OPCML: variants seen among roughly 807,000 people sequenced by gnomAD.
The protein encoded by OPCML is opioid-binding protein/cell adhesion molecule.
In OPCML, 13 loss-of-function variants were observed where a neutral mutation model predicts 37.8. The observed-to-expected ratio is 0.34, with a 90% CI of 0.22 to 0.55. OPCML has a LOEUF of 0.55. Among genes scored for constraint, OPCML ranks in the 20% least tolerant of loss-of-function variants. The pLI is 0.91. For synonymous variants in OPCML, 176 were observed against 168.8 expected (o/e 1.04, Z -0.33); for missense variants, 341 against 435.6 (o/e 0.78, Z 1.93).
chr11:132,804,295 T>C lies in OPCML; in HGVS notation c.146+138631A>G, dbSNP rs377557734. Among the ~76,000 whole-genome samples, 35 of 152,266 alleles carry C rather than the reference T, an allele frequency of 2.3e-4. No homozygotes were observed. In the South Asian group the frequency reaches 7.1e-3, roughly 31 times the overall value. On this transcript the variant is annotated intron_variant, in intron 2 of 7. Coordinates refer to ENST00000524381, the MANE Select transcript of OPCML (RefSeq NM_001012393.5). Reference sequence around the variant, plus strand: ...TCGGAGTTAAAGCAGAGTACTATGTTTCTGCGGAGCCCAAGTGGAAAAATC... The same window carrying C: ...TCGGAGTTAAAGCAGAGTACTATGTCTCTGCGGAGCCCAAGTGGAAAAATC...
chr11:133,243,905 T>C (rs1328549290), intron 1 of OPCML, among the ~76,000 whole-genome samples: 1 of 152,222 alleles, frequency 6.6e-6, no homozygotes, highest in Non-Finnish European at 1.5e-5. Flanking sequence ...GTTATTGCCC[T>C]GGAGGTGGGC....
intron 1 of OPCML, among the ~76,000 whole-genome samples, chr11:133,444,761 CTTTTTCT>C (rs998483502): frequency 1.3e-5 from 2 of 151,554 alleles, no homozygotes; most frequent in African/African-American, 2.4e-5. Flanking sequence ...TGTCATTTTC[CTTTTTCT>C]TTTTTCTAAC....
intron 1 of OPCML, among the ~76,000 whole-genome samples, chr11:133,485,971 T>C (rs932105318): frequency 6.6e-6 from 1 of 152,176 alleles, no homozygotes; most frequent in Non-Finnish European, 1.5e-5. Flanking sequence ...TAAATTGCTG[T>C]ATAGTATTCA....
At chr11:132,760,666 C>T (rs1262325019) in intron 2 of OPCML, among the ~76,000 whole-genome samples, 1 of 151,272 alleles carries the variant, frequency 6.6e-6, no homozygotes, top group East Asian at 1.9e-4. Context: ...GATATTCCTC[C>T]ATCCCTATAT....
chr11:132,756,350 A>G (rs985076576), intron 2 of OPCML, among the ~76,000 whole-genome samples: 1 of 152,164 alleles, frequency 6.6e-6, no homozygotes, highest in African/African-American at 2.4e-5. Flanking sequence ...AAGAGATGGT[A>G]TTTCTGAATG....
rs553993065 is a variant in OPCML, at chr11:133,451,679, C to A, written c.61+80585G>T. ...CCAAAGTGGTGAAACCCTGTCTCTA[C>A]TAAAAATACAAAAATTCGCTGGGTG... On this transcript the variant is annotated intron_variant, in intron 1 of 7. Transcript: ENST00000524381. Among the ~76,000 whole-genome samples, 24 of 147,410 alleles carry A rather than the reference C, an allele frequency of 1.6e-4. 1 individual carries two copies. In the South Asian group the frequency reaches 5.0e-3, roughly 31 times the overall value.
intron 1 of OPCML, among the ~76,000 whole-genome samples, chr11:133,213,704 G>A (rs1456862552): frequency 6.6e-6 from 1 of 152,144 alleles, no homozygotes; most frequent in African/African-American, 2.4e-5. Context: ...TTAACTGGAA[G>A]TACTAAAGCA....
rs2096016016 is a variant in OPCML, at chr11:132,437,206, C to T, written c.643+16G>A. 6.2e-7 allele frequency: 1 copy of T among 1,609,972 alleles called. No individual in the cohort carries two copies. Among genetic ancestry groups the T allele is most frequent in the East Asian group, 2.2e-5 (1 of 44,774 alleles). On this transcript the variant is annotated intron_variant, in intron 5 of 7. Coordinates refer to ENST00000524381, the MANE Select transcript of OPCML (RefSeq NM_001012393.5). ...CCGTCTTTTCCCCAGAACCCCCTGG[C>T]TGCAGGTCCACTCACAGTTTACAGT...
In OPCML at chr11:133,140,997, AGACGACGAC is replaced by A. The variant is rs1157988377; in HGVS notation, c.62-197996_62-197988del. Among the ~76,000 whole-genome samples the A allele has an allele frequency of 5.4e-4, 2 of 3,692 alleles. 1 individual carries two copies. Among genetic ancestry groups the A allele is most frequent in the African/African-American group, 8.7e-4 (2 of 2,294 alleles). 2.4% of individuals were successfully genotyped at this position (3,692 alleles called of 152,430 possible). On this transcript the variant is annotated intron_variant, in intron 1 of 7. Coordinates refer to ENST00000524381, the MANE Select transcript of OPCML (RefSeq NM_001012393.5). ...AAGAAGAAGAAGAAGAAGAAGAAGA[AGACGACGAC>A]GACGACGACGACGACGACGACGACG...
chr11:133,467,047 A>G (rs1946991369), intron 1 of OPCML, among the ~76,000 whole-genome samples: 1 of 152,210 alleles, frequency 6.6e-6, no homozygotes, highest in African/African-American at 2.4e-5. Flanking sequence ...TGCTTTTTGC[A>G]TCTGTTATGC....
chr11:133,123,651 G>A (rs1188465728), intron 1 of OPCML, among the ~76,000 whole-genome samples: 1 of 151,992 alleles, frequency 6.6e-6, no homozygotes, highest in South Asian at 2.1e-4. Context: ...ATGGGTTCTT[G>A]GAGAGTTCTT....
At chr11:133,157,690 C>T (rs997679424) in intron 1 of OPCML, among the ~76,000 whole-genome samples, 5 of 152,170 alleles carry the variant, frequency 3.3e-5, no homozygotes, top group Admixed American at 2.6e-4. Context: ...GTCATCAACT[C>T]CCCCTTTGGA....
chr11:133,336,703 G>T lies in OPCML; in HGVS notation c.61+195561C>A, dbSNP rs551525838. 5.9e-5 allele frequency among the ~76,000 whole-genome samples: 9 copies of T among 152,312 alleles called. No individual in the cohort carries two copies. In the South Asian group the frequency reaches 1.9e-3, roughly 32 times the overall value. On this transcript the variant is annotated intron_variant, in intron 1 of 7. Coordinates refer to ENST00000524381, the MANE Select transcript of OPCML (RefSeq NM_001012393.5). ...GAATAAAAAGGATGGGCAGATTGCT[G>T]TTGCTATCAGAGGTTCTACTTTTAG...
At chr11:133,101,570 G>A (rs1456676922) in intron 1 of OPCML, among the ~76,000 whole-genome samples, 1 of 152,158 alleles carries the variant, frequency 6.6e-6, no homozygotes, top group Non-Finnish European at 1.5e-5. Context: ...AATATCAAAT[G>A]TTGATGAGGA....
intron 1 of OPCML, among the ~76,000 whole-genome samples, chr11:133,042,375 C>A (rs2136948454): frequency 6.6e-6 from 1 of 152,262 alleles, no homozygotes; most frequent in South Asian, 2.1e-4. Flanking sequence ...ATGAATAAAC[C>A]CTTTGACAGA....
At chr11:132,509,356 A>T (rs1028195656) in intron 4 of OPCML, among the ~76,000 whole-genome samples, 8 of 150,306 alleles carry the variant, frequency 5.3e-5, no homozygotes, top group African/African-American at 1.5e-4. Flanking sequence ...AAAAAAAAAA[A>T]TTTCTAGGGA....
At chr11:133,034,247 C>T (rs79674889) in intron 1 of OPCML, among the ~76,000 whole-genome samples, 15,708 of 151,532 alleles carry the variant, frequency 0.1, 1,279 homozygotes, top group East Asian at 0.3. Flanking sequence ...AACCAGCTAT[C>T]AAGCAGCTAC....
chr11:133,026,418 AC>A, intron 1 of OPCML: 8 of 985,160 alleles, frequency 8.1e-6, no homozygotes, highest in Non-Finnish European at 9.6e-6. Context: ...CTTTAGGGAA[AC>A]CTGTTTGCAT....
intron 1 of OPCML, among the ~76,000 whole-genome samples, chr11:133,176,628 C>T (rs1937604604): frequency 1.3e-5 from 2 of 152,112 alleles, no homozygotes; most frequent in South Asian, 2.1e-4. Flanking sequence ...TGGCACCTCC[C>T]CTTCCTCTTG....
Sources: gnomAD v4.1 joint callset for allele counts (sites outside exome capture counted in the v4.1 genomes callset) on GRCh38, gnomAD v4.1.1 for gene constraint, MANE v1.5 for transcripts, NCBI Gene and HGNC (gene_info 2026-07-23, HGNC 2026-07-21) for gene names.